Variants in GRIP1 observed in about 807,000 individuals in gnomAD.
The protein encoded by GRIP1 is glutamate receptor interacting protein 1, also known as glutamate receptor-interacting protein 1.
In GRIP1, 45 loss-of-function variants were observed where a neutral mutation model predicts 129.9. That is an observed-to-expected ratio of 0.35 (90% CI 0.27 to 0.44). The LOEUF (loss-of-function observed/expected upper bound fraction) is 0.44, where lower values mean the gene tolerates loss of function less well. Ranked by LOEUF, GRIP1 falls within the 20% of genes least tolerant of loss-of-function variation. The pLI, the probability that GRIP1 is intolerant of heterozygous loss-of-function variation, is 1.00. For missense variants in GRIP1, 1,196 were observed against 1,396.8 expected (o/e 0.86, Z 2.29); for synonymous variants, 530 against 520.8 (o/e 1.02, Z -0.24).
chr12:66,394,142 A>G, intron 17 of GRIP1, 66 bp downstream of exon 17: 1 of 1,399,504 alleles, frequency 7.1e-7, no homozygotes, highest in Non-Finnish European at 1.0e-6. Context: ...GCATGTTTTT[A>G]TGTGGTTGTG....
intron 1 of GRIP1, among the ~76,000 whole-genome samples, chr12:66,747,906 G>A (rs1423019689): frequency 6.6e-6 from 1 of 152,120 alleles, no homozygotes; most frequent in Non-Finnish European, 1.5e-5. Flanking sequence ...TACGGATTCA[G>A]AGATTATAAG....
chr12:66,543,860 T>C (rs901298909), intron 2 of GRIP1, among the ~76,000 whole-genome samples: 1 of 152,180 alleles, frequency 6.6e-6, no homozygotes, highest in African/African-American at 2.4e-5. Context: ...CATAGTTTTT[T>C]TTAAGTGCTT....
At chr12:66,903,296 A>ATT (rs5798846) in intron 1 of GRIP1, among the ~76,000 whole-genome samples, 8,414 of 143,530 alleles carry the variant, frequency 0.059, 369 homozygotes, top group East Asian at 0.22. Flanking sequence ...GTGCTGCAGT[A>ATT]TTTTTTTTTT....
intron 2 of GRIP1, among the ~76,000 whole-genome samples, chr12:66,569,816 AC>A (rs1470743095): frequency 1.3e-5 from 2 of 152,116 alleles, no homozygotes; most frequent in East Asian, 3.9e-4. Flanking sequence ...AAGTTTTGAT[AC>A]TTGTGCTTCT....
intron 4 of GRIP1, among the ~76,000 whole-genome samples, chr12:66,534,506 G>A (rs1046365538): frequency 2.0e-5 from 3 of 152,100 alleles, no homozygotes; most frequent in Admixed American, 1.3e-4. Context: ...CGGCCCACTG[G>A]ATGCCAAGCT....
At chr12:66,484,778 T>C (rs913718218) in intron 7 of GRIP1, among the ~76,000 whole-genome samples, 12 of 152,290 alleles carry the variant, frequency 7.9e-5, no homozygotes, top group African/African-American at 2.6e-4. Context: ...AGGGTGACTA[T>C]AGTTACCAAC....
intron 9 of GRIP1, among the ~76,000 whole-genome samples, chr12:66,461,086 C>G (rs764255220): frequency 6.6e-6 from 1 of 152,026 alleles, no homozygotes; most frequent in Non-Finnish European, 1.5e-5. Context: ...AGGTTTTCCA[C>G]AATAAAGGCA....
At position 66,392,733 on chromosome 12, in the gene GRIP1, T is replaced by G; in HGVS notation, c.2213A>C (p.His738Pro). Residue 738 changes from histidine to proline, a missense_variant, in exon 18 of 25, where the codon CAT becomes CCT. Physicochemically the swap from His to Pro is moderately conservative, Grantham distance 77. Around this residue, in one of 5 missense-constraint regions of GRIP1, gnomAD observed 28 missense variants for 78.1 expected, o/e 0.36. Coordinates refer to ENST00000359742, the MANE Select transcript of GRIP1 (RefSeq NM_001366722.1). ...LKGKPLSEAI[H>P]LLQMAGETVT... ...AGTCTCTCCTGCCATCTGTAACAAA[T>G]GGATGGCTTCACTCAGAGGCTTCCC... The G allele has an allele frequency of 6.2e-7, 1 of 1,613,510 alleles. No individual in the cohort carries two copies. Among genetic ancestry groups the G allele is most frequent in the Non-Finnish European group, 8.5e-7 (1 of 1,179,456 alleles).
intron 1 of GRIP1, among the ~76,000 whole-genome samples, chr12:66,644,002 G>C (rs2032152941): frequency 6.6e-6 from 1 of 152,162 alleles, no homozygotes; most frequent in Non-Finnish European, 1.5e-5. Flanking sequence ...CATATGGCTG[G>C]GGAGGCCTTA....
At chr12:66,904,640 C>T (rs1592942256) in intron 1 of GRIP1, among the ~76,000 whole-genome samples, 1 of 152,168 alleles carries the variant, frequency 6.6e-6, no homozygotes, top group Non-Finnish European at 1.5e-5. Context: ...CGCCTGCAAT[C>T]CCAGCATTTT....
intron 1 of GRIP1, among the ~76,000 whole-genome samples, chr12:66,923,818 G>A (rs1372856575): frequency 6.6e-6 from 1 of 151,988 alleles, no homozygotes; most frequent in Non-Finnish European, 1.5e-5. Flanking sequence ...GCTTTCAAAA[G>A]GATTAAATGA....
chr12:66,537,938 C>CAATT, intron 4 of GRIP1, among the ~76,000 whole-genome samples: 1 of 152,336 alleles, frequency 6.6e-6, no homozygotes, highest in Middle Eastern at 3.4e-3. Context: ...ATGATTATAG[C>CAATT]AATTCCTCCT....
At chr12:66,717,772 TAAAC>T in intron 1 of GRIP1, among the ~76,000 whole-genome samples, 2 of 152,284 alleles carry the variant, frequency 1.3e-5, no homozygotes, top group Non-Finnish European at 1.5e-5. Context: ...ACCCAATTGA[TAAAC>T]AAAATTAAAT....
At chr12:66,563,874 G>C (rs2062631666) in intron 2 of GRIP1, 1 of 152,348 alleles carries the variant, frequency 6.6e-6, no homozygotes, top group African/African-American at 2.4e-5. Flanking sequence ...GGAATGAACA[G>C]GTTCTCCCAA....
At chr12:66,589,021 A>AAAT (rs1306278234) in intron 2 of GRIP1, among the ~76,000 whole-genome samples, 3 of 143,434 alleles carry the variant, frequency 2.1e-5, no homozygotes, top group African/African-American at 7.8e-5. Context: ...AATAAATAAA[A>AAAT]GAACTTCAGT....
At chr12:66,766,239 C>A (rs895331711) in intron 1 of GRIP1, among the ~76,000 whole-genome samples, 5 of 152,108 alleles carry the variant, frequency 3.3e-5, no homozygotes, top group Non-Finnish European at 5.9e-5. Flanking sequence ...ATATATCGAC[C>A]AGGAATGGTA....
intron 1 of GRIP1, among the ~76,000 whole-genome samples, chr12:66,687,738 T>C (rs1377847095): frequency 6.6e-6 from 1 of 152,132 alleles, no homozygotes; most frequent in Non-Finnish European, 1.5e-5. Flanking sequence ...ACCTTAATTT[T>C]CTCTTGCGGA....
chr12:66,862,407 G>A (rs2040127966), intron 1 of GRIP1, among the ~76,000 whole-genome samples: 1 of 152,040 alleles, frequency 6.6e-6, no homozygotes, highest in East Asian at 1.9e-4. Flanking sequence ...ATACTTCTTG[G>A]AGGCCAGTTT....
At chr12:66,773,557 G>A (rs896297069) in intron 1 of GRIP1, among the ~76,000 whole-genome samples, 1 of 152,156 alleles carries the variant, frequency 6.6e-6, no homozygotes, top group African/African-American at 2.4e-5. Flanking sequence ...GAGCCTGTCA[G>A]GGGGTCGGGG....
Sources: gnomAD v4.1 joint callset for allele counts (sites outside exome capture counted in the v4.1 genomes callset) on GRCh38, gnomAD v4.1.1 for gene constraint, gnomAD v4.1.1 regional missense constraint, MANE v1.5 for transcripts, NCBI Gene and HGNC (gene_info 2026-07-23, HGNC 2026-07-21) for gene names.